GRXCR1: variants seen among roughly 807,000 people sequenced by gnomAD.
The protein encoded by GRXCR1 is glutaredoxin and cysteine rich domain containing 1.
A neutral mutation model predicts 27.3 loss-of-function variants in GRXCR1; 27 were observed. The observed-to-expected ratio is 0.99, with a 90% CI of 0.73 to 1.37. The LOEUF is 1.37. GRXCR1 is among the 40% of genes most tolerant of loss of function. The pLI, the probability that GRXCR1 is intolerant of heterozygous loss-of-function variation, is 0.00. For missense variants in GRXCR1, 379 were observed against 354.4 expected, an observed-to-expected ratio of 1.07 and a Z score of -0.56; for synonymous variants, 122 against 131.1, an observed-to-expected ratio of 0.93 and a Z score of 0.47.
chr4:43,030,560 A>G lies in GRXCR1; in HGVS notation c.*20A>G. On this transcript the variant is annotated 3_prime_UTR_variant, in exon 4 of 4. Coordinates refer to ENST00000399770, the MANE Select transcript of GRXCR1 (RefSeq NM_001080476.3). Reference sequence around the variant, plus strand: ...GGTTAATTGGAGCTTCTACCCAGGAAAAACCTCATTTTATTAATCAAAGGC... The same window carrying G: ...GGTTAATTGGAGCTTCTACCCAGGAGAAACCTCATTTTATTAATCAAAGGC... The G allele has an allele frequency of 6.2e-7, 1 of 1,606,162 alleles. No individual in the cohort carries two copies. Among genetic ancestry groups the G allele is most frequent in the East Asian group, 2.2e-5 (1 of 44,858 alleles).
Position 43,005,138 on chromosome 4 carries a change from C to A in GRXCR1, c.628-15216C>A, listed in dbSNP as rs144506962. Among the ~76,000 whole-genome samples the A allele has an allele frequency of 6.2e-4, 94 of 152,278 alleles. 1 individual carries two copies. The highest frequency in any genetic ancestry group is 2.0e-3 in the African/African-American group (83 of 41,556). On this transcript the variant is annotated intron_variant, in intron 2 of 3. Transcript: ENST00000399770. Reference sequence around the variant, plus strand: ...GATCTGGTGGTTTAAATGTGTTTGGCAGTTCCCCCCTCACTCTCTTTTTCC... The same window carrying A: ...GATCTGGTGGTTTAAATGTGTTTGGAAGTTCCCCCCTCACTCTCTTTTTCC...
intron 2 of GRXCR1, among the ~76,000 whole-genome samples, chr4:42,997,096 A>G (rs2109794166): frequency 1.3e-5 from 2 of 152,262 alleles, no homozygotes; most frequent in African/African-American, 4.8e-5. Flanking sequence ...TGTCATTTAT[A>G]TGTATTTTAA....
At chr4:42,923,092 T>C (rs552020823) in intron 1 of GRXCR1, among the ~76,000 whole-genome samples, 3 of 152,240 alleles carry the variant, frequency 2.0e-5, no homozygotes, top group African/African-American at 7.2e-5. Flanking sequence ...TCTTGATGAA[T>C]GATTCTCTTG....
At chr4:42,900,256 G>T (rs1489821196) in intron 1 of GRXCR1, among the ~76,000 whole-genome samples, 1 of 152,126 alleles carries the variant, frequency 6.6e-6, no homozygotes, top group African/African-American at 2.4e-5. Flanking sequence ...ATGTCATGCA[G>T]AAATTTTCAG....
intron 1 of GRXCR1, among the ~76,000 whole-genome samples, chr4:42,908,660 G>A (rs535731677): frequency 1.4e-4 from 22 of 152,258 alleles, no homozygotes; most frequent in East Asian, 5.8e-4. Context: ...TGGGGGATGC[G>A]CATCAAAACA....
intron 1 of GRXCR1, among the ~76,000 whole-genome samples, chr4:42,941,596 A>C (rs10517064): frequency 0.17 from 25,747 of 151,802 alleles, 2,247 homozygotes; most frequent in South Asian, 0.21. Flanking sequence ...TTTAACGGAG[A>C]GGCAAATGAG....
chr4:42,940,918 C>G lies in GRXCR1; in HGVS notation c.385-21974C>G, dbSNP rs374375861. ...CCATATAAAATATTTTCAAATATTA[C>G]TTTTATTCTTCATTAAGTCTCTTAT... On this transcript the variant is annotated intron_variant, in intron 1 of 3. Transcript: ENST00000399770. Among the ~76,000 whole-genome samples, 32 of 151,976 alleles carry G rather than the reference C, an allele frequency of 2.1e-4. No homozygotes were observed. The East Asian group carries it at 3.7e-3, about 18-fold the overall frequency.
intron 1 of GRXCR1, among the ~76,000 whole-genome samples, chr4:42,953,801 A>C (rs901899935): frequency 2.0e-5 from 3 of 152,084 alleles, no homozygotes; most frequent in African/African-American, 7.2e-5. Flanking sequence ...ATAACATTTT[A>C]TAATAATATT....
At chr4:42,924,080 A>G (rs561933606) in intron 1 of GRXCR1, among the ~76,000 whole-genome samples, 172 of 152,234 alleles carry the variant, frequency 1.1e-3, no homozygotes, top group African/African-American at 3.9e-3. Context: ...TAGAAAAAGC[A>G]ATAGACAGCA....
intron 1 of GRXCR1, among the ~76,000 whole-genome samples, chr4:42,929,525 A>G (rs1401170063): frequency 1.3e-5 from 2 of 152,024 alleles, no homozygotes; most frequent in East Asian, 3.9e-4. Context: ...AATCTCACTC[A>G]TAAGCATATG....
Position 42,895,600 on chromosome 4 carries a change from A to G in GRXCR1, c.384+1950A>G, listed in dbSNP as rs544289823. ...CACTTGGATCAGGGCTGCTAGTTGCATTATTGCCCAAGGAGCTCCATTCCC... is the reference window on the plus strand; with the variant it reads ...CACTTGGATCAGGGCTGCTAGTTGCGTTATTGCCCAAGGAGCTCCATTCCC... On this transcript the variant is annotated intron_variant, in intron 1 of 3. Coordinates refer to ENST00000399770, the MANE Select transcript of GRXCR1 (RefSeq NM_001080476.3). Among the ~76,000 whole-genome samples, 3 of 152,244 alleles carry G rather than the reference A, an allele frequency of 2.0e-5. No individual in the cohort carries two copies. In the East Asian group the frequency reaches 5.8e-4, roughly 30 times the overall value.
At chr4:42,993,460 C>G (rs528817443) in intron 2 of GRXCR1, among the ~76,000 whole-genome samples, 3 of 151,872 alleles carry the variant, frequency 2.0e-5, no homozygotes, top group Non-Finnish European at 2.9e-5. Context: ...GGGGTTATGT[C>G]TCGGTAAACT....
rs1456790634 is a variant in GRXCR1 at position 42,912,463 on chromosome 4, T to C, written c.384+18813T>C. 2.0e-5 allele frequency among the ~76,000 whole-genome samples: 3 copies of C among 152,148 alleles called. No homozygotes were observed. In the East Asian group the frequency reaches 5.8e-4, roughly 29 times the overall value. ...ACCCTTTATGGAAGTAAAACAACCA[T>C]GGGAGGAAGTCAATGCTCATTGCAT... is the stretch of plus-strand genomic sequence containing the variant. On this transcript the variant is annotated intron_variant, in intron 1 of 3. Transcript: ENST00000399770.
At chr4:42,995,569 A>G (rs986798635) in intron 2 of GRXCR1, among the ~76,000 whole-genome samples, 1 of 152,160 alleles carries the variant, frequency 6.6e-6, no homozygotes, top group Non-Finnish European at 1.5e-5. Context: ...AGGAGATTAT[A>G]CCTACAGTCC....
At chr4:43,015,319 T>G (rs1270397218) in intron 2 of GRXCR1, among the ~76,000 whole-genome samples, 1 of 152,286 alleles carries the variant, frequency 6.6e-6, no homozygotes, top group Non-Finnish European at 1.5e-5. Flanking sequence ...ATAATATTTA[T>G]TTATCTTTAC....
intron 1 of GRXCR1, among the ~76,000 whole-genome samples, chr4:42,899,710 A>G (rs1402538925): frequency 1.3e-5 from 2 of 152,148 alleles, no homozygotes; most frequent in East Asian, 1.9e-4. Context: ...GACCATTAGC[A>G]CCGACTTATC....
At chr4:42,963,252 C>T (rs1748169622) in intron 2 of GRXCR1, 118 bp downstream of exon 2, 2 of 1,198,008 alleles carry the variant, frequency 1.7e-6, no homozygotes, top group African/African-American at 1.5e-5. Flanking sequence ...TTTTTTGGAG[C>T]TCAAACCAAA....
Position 42,952,421 on chromosome 4 carries a change from C to G in GRXCR1, c.385-10471C>G, listed in dbSNP as rs547606570. ...CTCGTGAAGGGGCCTACACAAAGCACCAACAAAGCTGACTATACCATCCTA... is the reference window on the plus strand; with the variant it reads ...CTCGTGAAGGGGCCTACACAAAGCAGCAACAAAGCTGACTATACCATCCTA... On this transcript the variant is annotated intron_variant, in intron 1 of 3. Coordinates refer to ENST00000399770, the MANE Select transcript of GRXCR1 (RefSeq NM_001080476.3). Among the ~76,000 whole-genome samples the G allele has an allele frequency of 2.0e-5, 3 of 152,152 alleles. No individual in the cohort carries two copies. In the East Asian group the frequency reaches 5.8e-4, roughly 30 times the overall value.
At chr4:42,983,432 A>T (rs1711555261) in intron 2 of GRXCR1, among the ~76,000 whole-genome samples, 3 of 151,578 alleles carry the variant, frequency 2.0e-5, no homozygotes, top group African/African-American at 7.3e-5. Context: ...TTTTGGTACC[A>T]GTAGCATGCT....
Sources: allele counts gnomAD v4.1 joint callset (sites outside exome capture counted in the v4.1 genomes callset), GRCh38; gene constraint gnomAD v4.1.1; transcripts MANE v1.5; gene names NCBI Gene and HGNC (gene_info 2026-07-23, HGNC 2026-07-21).